The following TTLL2 variants were observed in gnomAD, a reference collection of about 807,000 sequenced individuals.
TTLL2 encodes the protein probable tubulin polyglutamylase TTLL2.
In TTLL2, 10 loss-of-function variants were observed where a neutral mutation model predicts 7.5. The observed-to-expected ratio is 1.33, with a 90% CI of 0.82 to 2.25. TTLL2 has a LOEUF of 2.25. TTLL2 is among the 30% of genes most tolerant of loss of function. The pLI, the probability that TTLL2 is intolerant of heterozygous loss-of-function variation, is 0.00. For synonymous variants in TTLL2, 284 were observed against 280.3 expected, an observed-to-expected ratio of 1.01 and a Z score of -0.13; for missense variants, 733 against 735.7, an observed-to-expected ratio of 1.00 and a Z score of 0.04.
intron 1 of TTLL2, among the ~76,000 whole-genome samples, chr6:167,337,878 A>G (rs1779010855): frequency 6.6e-6 from 1 of 151,618 alleles, no homozygotes; most frequent in South Asian, 2.1e-4. Context: ...ATATACACAC[A>G]ATATAAGCAG....
chr6:167,327,727 T>C (rs1054443581), intron 1 of TTLL2, among the ~76,000 whole-genome samples: 2 of 152,182 alleles, frequency 1.3e-5, no homozygotes, highest in Non-Finnish European at 2.9e-5. Flanking sequence ...ATACAGGTTA[T>C]GTATGGTGAA....
At chr6:167,338,299 A>G (rs1446419203) in intron 1 of TTLL2, among the ~76,000 whole-genome samples, 1 of 151,994 alleles carries the variant, frequency 6.6e-6, no homozygotes, top group East Asian at 1.9e-4. Context: ...TAGATGCAAC[A>G]CAACACACAT....
rs139097681 is a variant in TTLL2 at position 167,339,249 on chromosome 6, G to A, written c.204+446G>A. On this transcript the variant is annotated intron_variant, in intron 2 of 2. Coordinates refer to ENST00000239587, the MANE Select transcript of TTLL2 (RefSeq NM_031949.5). ...ATTGCCTTAGCTTGAAAATTTTGAT[G>A]AGCACGTTGTCTCAGGACTTTGACA... is the stretch of plus-strand genomic sequence containing the variant. Among the ~76,000 whole-genome samples, 73 of 152,172 alleles carry A rather than the reference G, an allele frequency of 4.8e-4. 1 individual carries two copies. Among genetic ancestry groups the A allele is most frequent in the African/African-American group, 1.7e-3 (72 of 41,468 alleles).
chr6:167,332,319 G>C (rs1778929290), intron 1 of TTLL2, among the ~76,000 whole-genome samples: 1 of 152,124 alleles, frequency 6.6e-6, no homozygotes, highest in South Asian at 2.1e-4. Flanking sequence ...TCACTACTTG[G>C]TGATTAGTAC....
intron 1 of TTLL2, among the ~76,000 whole-genome samples, chr6:167,333,086 G>A (rs1382555763): frequency 9.6e-6 from 1 of 104,634 alleles, no homozygotes; most frequent in Non-Finnish European, 1.9e-5. Context: ...GTTTGTCATA[G>A]ATAGCTCTTA....
In TTLL2 at chr6:167,341,611, A is replaced by C. The variant is rs757140906; in HGVS notation, c.1711A>C (p.Arg571=). 1.2e-6 allele frequency: 2 copies of C among 1,614,110 alleles called. No individual in the cohort carries two copies. The highest frequency in any genetic ancestry group is 1.7e-6 in the Non-Finnish European group (2 of 1,180,044). Residue 571 remains arginine (R), a synonymous_variant, in exon 3 of 3, where the codon AGG becomes CGG. Transcript: ENST00000239587. ...CAATGAAGCAACTCTCGGAGCTTCC[A>C]GGAATGGATTAAATGTCAAAAGAAT... is the stretch of plus-strand genomic sequence containing the variant. ...PFNEATLGAS[R]NGLNVKRIIQ...
chr6:167,329,948 A>G (rs1778898573), intron 1 of TTLL2, among the ~76,000 whole-genome samples: 1 of 152,204 alleles, frequency 6.6e-6, no homozygotes, highest in Non-Finnish European at 1.5e-5. Flanking sequence ...ATGTATAAAT[A>G]TACACCCAGA....
intron 1 of TTLL2, among the ~76,000 whole-genome samples, chr6:167,335,639 C>A (rs1161247521): frequency 6.6e-6 from 1 of 151,102 alleles, no homozygotes; most frequent in Non-Finnish European, 1.5e-5. Context: ...TACTATGCAG[C>A]CATAAAAAAT....
At chr6:167,337,286 C>T (rs139818397) in intron 1 of TTLL2, among the ~76,000 whole-genome samples, 33 of 152,338 alleles carry the variant, frequency 2.2e-4, no homozygotes, top group African/African-American at 7.7e-4. Flanking sequence ...GTCCCCAACC[C>T]GGCATGGCTT....
At chr6:167,336,693 G>A (rs1039335227) in intron 1 of TTLL2, among the ~76,000 whole-genome samples, 6 of 152,008 alleles carry the variant, frequency 3.9e-5, no homozygotes, top group African/African-American at 1.2e-4. Context: ...CAGAACGGGG[G>A]CTCGGCCTCA....
chr6:167,327,605 A>G (rs1778862381), intron 1 of TTLL2, among the ~76,000 whole-genome samples: 1 of 152,200 alleles, frequency 6.6e-6, no homozygotes, highest in Non-Finnish European at 1.5e-5. Context: ...TGAATTTTAC[A>G]TTCACACCAA....
At chr6:167,329,915 A>T (rs1778898257) in intron 1 of TTLL2, among the ~76,000 whole-genome samples, 1 of 152,192 alleles carries the variant, frequency 6.6e-6, no homozygotes, top group South Asian at 2.1e-4. Context: ...CACATTTTGT[A>T]TTATATAAAT....
chr6:167,335,948 G>T (rs1778978566), intron 1 of TTLL2, among the ~76,000 whole-genome samples: 1 of 147,310 alleles, frequency 6.8e-6, no homozygotes, highest in Non-Finnish European at 1.5e-5. Flanking sequence ...ATGTGCACAT[G>T]TACCCTAAAA....
rs775704905 is a variant in TTLL2 at position 167,340,340 on chromosome 6, A to T, written c.440A>T (p.His147Leu). The T allele has an allele frequency of 6.2e-7, 1 of 1,614,094 alleles. No homozygotes were observed. The highest frequency in any genetic ancestry group is 2.2e-5 in the East Asian group (1 of 44,884). The part of the protein sequence containing the change: ...SVKPWQQLNH[H>L]PGTTKLTRKD... The stretch of plus-strand genomic sequence containing the variant: ...AAACCGTGGCAGCAGCTAAACCACC[A>T]CCCTGGAACCACCAAGCTTACCAGG... Residue 147 changes from histidine to leucine, a missense_variant, in exon 3 of 3, where the codon CAC becomes CTC. His to Leu is a moderately conservative substitution (Grantham distance 99). Coordinates refer to ENST00000239587, the MANE Select transcript of TTLL2 (RefSeq NM_031949.5).
intron 1 of TTLL2, among the ~76,000 whole-genome samples, chr6:167,337,133 G>T (rs964680909): frequency 2.6e-5 from 4 of 152,262 alleles, no homozygotes; most frequent in African/African-American, 9.6e-5. Flanking sequence ...GCTGGCTGTG[G>T]TCAGCATCTT....
rs150930685 is a variant in TTLL2, at chr6:167,340,158, G to A, written c.258G>A (p.Pro86=). ...AACCTTCAGGGGCCCTCTTGAAGCC[G>A]CTGGTTTTTCGCGTTGACGAGACCA... ...EDEPSGALLK[P]LVFRVDETTP... The change falls in exon 3 of 3, where the codon CCG becomes CCA. Residue 86 remains proline, a synonymous_variant. Coordinates refer to ENST00000239587, the MANE Select transcript of TTLL2 (RefSeq NM_031949.5). The A allele has an allele frequency of 6.2e-5, 99 of 1,606,882 alleles. 1 individual carries two copies. The African/African-American group carries it at 9.5e-4, about 15-fold the overall frequency.
intron 1 of TTLL2, chr6:167,328,230 A>AGCC (rs1213744918): frequency 2.3e-6 from 1 of 429,538 alleles, no homozygotes; most frequent in African/African-American, 2.0e-5. Context: ...CGTCCCTGGG[A>AGCC]GCCGCTCTCT....
intron 1 of TTLL2, 111 bp from the exon 2 acceptor site, chr6:167,338,536 A>G: frequency 2.1e-6 from 3 of 1,410,008 alleles, no homozygotes; most frequent in Non-Finnish European, 2.8e-6. Flanking sequence ...AAACTAGGAC[A>G]ACTGAATTTT....
chr6:167,336,004 T>A (rs571428617), intron 1 of TTLL2, among the ~76,000 whole-genome samples: 3 of 151,452 alleles, frequency 2.0e-5, no homozygotes, highest in Non-Finnish European at 4.4e-5. Flanking sequence ...AAAAAAGAAA[T>A]TCAATTTAAT....
Sources: gnomAD v4.1 joint callset for allele counts (sites outside exome capture counted in the v4.1 genomes callset) on GRCh38, gnomAD v4.1.1 for gene constraint, MANE v1.5 for transcripts, NCBI Gene and HGNC (gene_info 2026-07-23, HGNC 2026-07-21) for gene names.